The following SLC41A3 variants were observed in gnomAD, a reference collection of about 807,000 sequenced individuals.
SLC41A3 encodes the protein solute carrier family 41 member 3.
In SLC41A3, 44 loss-of-function variants were observed where a neutral mutation model predicts 45.4. The ratio of observed to expected loss-of-function variants is 0.97; its 90% confidence interval spans 0.76 to 1.25. The LOEUF (loss-of-function observed/expected upper bound fraction) is 1.25, where lower values mean the gene tolerates loss of function less well. Among genes scored for constraint, SLC41A3 ranks in the 50% most tolerant of loss-of-function variants. SLC41A3 has a pLI of 0.00. For synonymous variants in SLC41A3, 256 were observed against 252.4 expected (o/e 1.01, Z -0.13); for missense variants, 550 against 600.6 (o/e 0.92, Z 0.88).
rs763752826 is a variant in SLC41A3, at chr3:126,068,044, C to T, written c.176G>A (p.Arg59Lys). The T allele has an allele frequency of 1.1e-5, 18 of 1,613,824 alleles. No individual in the cohort carries two copies. The highest frequency in any genetic ancestry group is 1.5e-5 in the Non-Finnish European group (18 of 1,179,974). Residue 59 changes from arginine (R) to lysine (K), a missense_variant, in exon 2 of 11, where the codon AGG becomes AAG. Coordinates refer to ENST00000360370, the MANE Select transcript of SLC41A3 (RefSeq NM_017836.4). ...AAGGCCTATGGACCAGGTGGTCTCC[C>T]TGCTAGGCTCAGTCTCCAGTGGCTT... ...TPKPLETEPSRETTWSIGLQV... is the reference protein window; with the variant it reads ...TPKPLETEPSKETTWSIGLQV...
chr3:126,046,961 CAAAAA>C (rs36095026), intron 3 of SLC41A3, among the ~76,000 whole-genome samples: 2 of 81,232 alleles, frequency 2.5e-5, no homozygotes, highest in Non-Finnish European at 5.1e-5. Flanking sequence ...AACTCCATCT[CAAAAA>C]AAAAAAAAAA....
At chr3:126,030,922 A>G (rs991776637) in intron 4 of SLC41A3, among the ~76,000 whole-genome samples, 1 of 152,258 alleles carries the variant, frequency 6.6e-6, no homozygotes, top group Non-Finnish European at 1.5e-5. Context: ...CAATTTATCT[A>G]TATACCTTCT....
At chr3:126,043,983 A>G (rs1345523154) in intron 3 of SLC41A3, among the ~76,000 whole-genome samples, 1 of 152,202 alleles carries the variant, frequency 6.6e-6, no homozygotes, top group Non-Finnish European at 1.5e-5. Context: ...ATCAAAATAC[A>G]AAAACTAGCA....
intron 1 of SLC41A3, among the ~76,000 whole-genome samples, chr3:126,089,557 G>A (rs1945452006): frequency 6.6e-6 from 1 of 152,158 alleles, no homozygotes; most frequent in African/African-American, 2.4e-5. Context: ...GAACTAGTAA[G>A]GTTTTCTGAA....
At chr3:126,040,219 C>G (rs1479200851) in intron 3 of SLC41A3, among the ~76,000 whole-genome samples, 1 of 152,220 alleles carries the variant, frequency 6.6e-6, no homozygotes, top group African/African-American at 2.4e-5. Flanking sequence ...TCATAAATAT[C>G]TATCTACATA....
chr3:126,039,091 C>T (rs780480231), intron 3 of SLC41A3, among the ~76,000 whole-genome samples: 1 of 152,212 alleles, frequency 6.6e-6, no homozygotes, highest in Non-Finnish European at 1.5e-5. Flanking sequence ...TCACCAGAAG[C>T]AGATGCTGGC....
intron 2 of SLC41A3, chr3:126,056,667 G>C: frequency 6.9e-7 from 1 of 1,459,730 alleles, no homozygotes; most frequent in Non-Finnish European, 9.0e-7. Flanking sequence ...ACAAACAGAA[G>C]CTTCCCAGTC....
chr3:126,011,909 G>A (rs1197080157), intron 9 of SLC41A3, among the ~76,000 whole-genome samples: 1 of 152,158 alleles, frequency 6.6e-6, no homozygotes, highest in East Asian at 1.9e-4. Flanking sequence ...CAATGTAACA[G>A]GAAAGAAGAT....
chr3:126,098,437 C>T (rs1166648831), intron 1 of SLC41A3, among the ~76,000 whole-genome samples: 1 of 152,252 alleles, frequency 6.6e-6, no homozygotes, highest in Non-Finnish European at 1.5e-5. Flanking sequence ...ATTGTTTAAG[C>T]CCCTGGGCCA....
In SLC41A3 at chr3:126,026,372, G is replaced by A. The variant is rs199948978; in HGVS notation, c.561C>T (p.Ser187=). 1.7e-5 allele frequency: 26 copies of A among 1,575,482 alleles called. No homozygotes were observed. The African/African-American group carries it at 3.0e-4, about 18-fold the overall frequency. The change falls in exon 5 of 11, where the codon AGC becomes AGT. Residue 187 remains serine (S), a synonymous_variant. Transcript: ENST00000360370. This position sits in a 1 kb window ranked among gnomAD's most constrained non-coding sequence, Gnocchi z 4.2. ...DVAKVELLCA[S]SVLTAFLAAF... ...CTGCAAGGAAGGCAGTGAGGACACT[G>A]CTGGCACACAGCAACTCCACCTTGG...
At chr3:126,088,594 GA>G (rs372347730), upstream of SLC41A3, among the ~76,000 whole-genome samples, 3 of 151,782 alleles carry the variant, frequency 2.0e-5, no homozygotes, top group Admixed American at 6.6e-5. Context: ...TTAGAATGAA[GA>G]AAAAAATATA....
intron 3 of SLC41A3, among the ~76,000 whole-genome samples, chr3:126,036,089 C>T (rs1942168469): frequency 6.6e-6 from 1 of 152,246 alleles, no homozygotes; most frequent in Non-Finnish European, 1.5e-5. Context: ...TTTTAAAAAA[C>T]TTCTTTGAAT....
chr3:126,078,060 G>A (rs1296875871), intron 1 of SLC41A3, among the ~76,000 whole-genome samples: 1 of 152,108 alleles, frequency 6.6e-6, no homozygotes, highest in African/African-American at 2.4e-5. Flanking sequence ...CTCCCTGAAG[G>A]ACCTGCAGGG....
At chr3:126,062,660 A>G (rs1372996345) in intron 2 of SLC41A3, among the ~76,000 whole-genome samples, 1 of 152,246 alleles carries the variant, frequency 6.6e-6, no homozygotes. Flanking sequence ...TACTTGGTAA[A>G]CTGAGAGCCG....
In SLC41A3 at chr3:126,016,094, G is replaced by A. The variant is rs531416975; in HGVS notation, c.891-521C>T. Among the ~76,000 whole-genome samples, 39 of 152,320 alleles carry A rather than the reference G, an allele frequency of 2.6e-4. No homozygotes were observed. The South Asian group carries it at 2.9e-3, about 11-fold the overall frequency. ...AGCCCAGGAGCCTCCTGGAAGCAAG[G>A]ATACCTACTCTATCGCCTCTTCTCC... On this transcript the variant is annotated intron_variant, in intron 7 of 10. Coordinates refer to ENST00000360370, the MANE Select transcript of SLC41A3 (RefSeq NM_017836.4).
intron 9 of SLC41A3, 82 bp from the exon 10 acceptor site, chr3:126,008,962 C>T (rs1179004969): frequency 4.5e-6 from 7 of 1,540,412 alleles, no homozygotes; most frequent in Non-Finnish European, 6.2e-6. Flanking sequence ...GAGGCATCCA[C>T]ACTCACTCAT....
intron 1 of SLC41A3, among the ~76,000 whole-genome samples, chr3:126,091,650 A>G (rs1576387175): frequency 6.6e-6 from 1 of 152,182 alleles, no homozygotes; most frequent in Non-Finnish European, 1.5e-5. Flanking sequence ...CAGACTTAAA[A>G]AGTTGTCAGA....
intron 2 of SLC41A3, among the ~76,000 whole-genome samples, chr3:126,065,524 T>C (rs918586974): frequency 5.3e-5 from 8 of 152,186 alleles, no homozygotes; most frequent in Admixed American, 1.3e-4. Context: ...CTCTCATATA[T>C]GCAATGAAAA....
chr3:126,035,578 G>A (rs1942129522), intron 3 of SLC41A3, among the ~76,000 whole-genome samples: 1 of 152,252 alleles, frequency 6.6e-6, no homozygotes, highest in Non-Finnish European at 1.5e-5. Flanking sequence ...AACTGAGGGT[G>A]AAAAGCCAAT....
Sources: gnomAD v4.1 joint callset for allele counts (sites outside exome capture counted in the v4.1 genomes callset) on GRCh38, gnomAD v4.1.1 for gene constraint, Gnocchi (gnomAD v3.1) non-coding constraint, MANE v1.5 for transcripts, NCBI Gene and HGNC (gene_info 2026-07-23, HGNC 2026-07-21) for gene names.